STAT5B: variants seen among roughly 807,000 people sequenced by gnomAD.
STAT5B encodes the protein signal transducer and activator of transcription 5B.
STAT5B carries 21 observed loss-of-function variants against 107.8 expected under a neutral mutation model. That is an observed-to-expected ratio of 0.19 (90% CI 0.14 to 0.28). The LOEUF (loss-of-function observed/expected upper bound fraction) is 0.28, where lower values mean the gene tolerates loss of function less well. Ranked by LOEUF, STAT5B falls within the 10% of genes least tolerant of loss-of-function variation. The pLI, the probability that STAT5B is intolerant of heterozygous loss-of-function variation, is 1.00. For synonymous variants in STAT5B, 325 were observed against 401.7 expected (o/e 0.81, Z 2.28); for missense variants, 565 against 1,008.2 (o/e 0.56, Z 5.95).
the STAT5B span, among the ~76,000 whole-genome samples, chr17:42,285,079 G>T: frequency 1.3e-5 from 2 of 149,082 alleles, no homozygotes; most frequent in Admixed American, 1.3e-4. Context: ...AGAATATATT[G>T]CTTTTTTTTT....
rs776893445 is a variant in STAT5B at position 42,201,843 on chromosome 17, G to A, written c.2259C>T (p.Thr753=). ...YPQNPDSVLD[T]DGDFDLEDTM... ...TGTCCTCCAGATCGAAGTCCCCATC[G>A]GTGTCAAGGACTGAGTCAGGGCTTG... Residue 753 remains threonine, a synonymous_variant, in exon 19 of 19, where the codon ACC becomes ACT. Coordinates refer to ENST00000293328, the MANE Select transcript of STAT5B (RefSeq NM_012448.4). 9.3e-6 allele frequency: 15 copies of A among 1,613,790 alleles called. No individual in the cohort carries two copies. The highest frequency in any genetic ancestry group is 8.9e-5 in the East Asian group (4 of 44,872).
chr17:42,265,053 T>C (rs1223315891), intron 1 of STAT5B, among the ~76,000 whole-genome samples: 1 of 132,620 alleles, frequency 7.5e-6, no homozygotes, highest in Non-Finnish European at 1.6e-5. Context: ...TTTGATGGGG[T>C]TGTTTGTTTT....
At chr17:42,262,802 G>GTA (rs200282520) in intron 1 of STAT5B, among the ~76,000 whole-genome samples, 3 of 92,300 alleles carry the variant, frequency 3.3e-5, no homozygotes, top group African/African-American at 5.4e-5. Flanking sequence ...ATATATGTGT[G>GTA]TATATATACA....
Position 42,208,707 on chromosome 17 carries a change from G to C in STAT5B, c.1907-979C>G, listed in dbSNP as rs142052206. The stretch of plus-strand genomic sequence containing the variant: ...GCTAGGAAGCATGCCCACAACCAGA[G>C]AAAGCATAAGAGCTATTAAAAGTGA... On this transcript the variant is annotated intron_variant, in intron 15 of 18. Transcript: ENST00000293328. 5.0e-3 allele frequency among the ~76,000 whole-genome samples: 757 copies of C among 151,842 alleles called. 8 individuals are homozygous for C. The highest frequency in any genetic ancestry group is 6.6e-3 in the Non-Finnish European group (449 of 67,948).
intron 1 of STAT5B, among the ~76,000 whole-genome samples, chr17:42,262,905 T>C (rs1392786651): frequency 8.1e-6 from 1 of 122,878 alleles, no homozygotes; most frequent in South Asian, 2.4e-4. Flanking sequence ...TGTATATATA[T>C]GTGTATATAT....
intron 18 of STAT5B, chr17:42,202,121 T>C (rs577727783): frequency 3.1e-6 from 2 of 651,172 alleles, no homozygotes; most frequent in African/African-American, 1.8e-5. Flanking sequence ...ATCTCCATAT[T>C]GAGAGAGGGG....
intron 12 of STAT5B, chr17:42,214,428 C>T (rs988671263): frequency 2.0e-6 from 2 of 985,354 alleles, no homozygotes; most frequent in Non-Finnish European, 2.4e-6. Flanking sequence ...TCTTAAAAAT[C>T]TCACCTTTGC....
chr17:42,247,318 T>C (rs2080459845), intron 1 of STAT5B, among the ~76,000 whole-genome samples: 1 of 152,254 alleles, frequency 6.6e-6, no homozygotes, highest in Non-Finnish European at 1.5e-5. Context: ...ATATGGCAGT[T>C]TGCCCCGTTT....
chr17:42,219,853 G>T lies in STAT5B; in HGVS notation c.551-11C>A. ...GCGGGCCAAACTGAGCTAGAGGAGG[G>T]GAGAGGAAACCATGACCATCACCTC... is the stretch of plus-strand genomic sequence containing the variant. On this transcript the variant is annotated splice_polypyrimidine_tract_variant and intron_variant, in intron 5 of 18. Transcript: ENST00000293328. 6.2e-7 allele frequency: 1 copy of T among 1,614,188 alleles called. No homozygotes were observed. Among genetic ancestry groups the T allele is most frequent in the South Asian group, 1.1e-5 (1 of 91,084 alleles).
At chr17:42,252,475 C>T (rs1190643464) in intron 1 of STAT5B, among the ~76,000 whole-genome samples, 1 of 152,116 alleles carries the variant, frequency 6.6e-6, no homozygotes, top group Admixed American at 6.6e-5. Flanking sequence ...TTTTGATTTC[C>T]CCAATATAGT....
At position 42,218,793 on chromosome 17, in the gene STAT5B, C is replaced by T. The variant is rs1201337548; in HGVS notation, c.919G>A (p.Gly307Ser). The T allele has an allele frequency of 1.7e-5, 28 of 1,612,822 alleles. No individual in the cohort carries two copies. The highest frequency in any genetic ancestry group is 3.3e-5 in the Admixed American group (2 of 59,936). ...EHLCQQLPIP[G>S]PVEEMLAEVN... ...TCGGCCAGCATCTCCTCCACTGGGC[C>T]GGGGATGGGCAGCTGCTGGCAGAGG... The change falls in exon 8 of 19, where the codon GGC becomes AGC. Residue 307 changes from glycine (G) to serine (S), a missense_variant. This residue lies in a region of STAT5B where 48 missense variants were observed against 106.5 expected (regional missense o/e 0.45). Transcript: ENST00000293328.
At chr17:42,208,533 G>C (rs2080104087) in intron 15 of STAT5B, among the ~76,000 whole-genome samples, 1 of 151,828 alleles carries the variant, frequency 6.6e-6, no homozygotes, top group South Asian at 2.1e-4. Context: ...TAAAAGCCAT[G>C]GGTAGATAAG....
At chr17:42,280,950 C>T (rs967655692), upstream of STAT5B, among the ~76,000 whole-genome samples, 6 of 151,718 alleles carry the variant, frequency 4.0e-5, no homozygotes, top group Non-Finnish European at 5.9e-5. Flanking sequence ...CTGGCTAACA[C>T]GGTGAAACCC....
At chr17:42,286,724 G>A in the STAT5B span, among the ~76,000 whole-genome samples, 1 of 152,184 alleles carries the variant, frequency 6.6e-6, no homozygotes, top group East Asian at 1.9e-4. Flanking sequence ...TGAGGAATCT[G>A]CTCCCATCAA....
rs371610966 is a variant in STAT5B, at chr17:42,201,733, C to T, written c.*5G>A. The T allele has an allele frequency of 5.1e-6, 8 of 1,557,058 alleles. No homozygotes were observed. In the African/African-American group the frequency reaches 5.4e-5, roughly 11 times the overall value. ...GAAGAAGCTGAAGATGGAGAGGTCGCGGGGTCACGATTGTGCGTGCGGGAT... is the reference window on the plus strand; with the variant it reads ...GAAGAAGCTGAAGATGGAGAGGTCGTGGGGTCACGATTGTGCGTGCGGGAT... On this transcript the variant is annotated 3_prime_UTR_variant, in exon 19 of 19. Coordinates refer to ENST00000293328, the MANE Select transcript of STAT5B (RefSeq NM_012448.4).
chr17:42,283,577 C>G, the STAT5B span, among the ~76,000 whole-genome samples: 2 of 152,248 alleles, frequency 1.3e-5, no homozygotes, highest in African/African-American at 4.8e-5. Context: ...AGGACAGTCA[C>G]TATGCCTCAG....
chr17:42,235,394 G>A (rs1264863260), intron 1 of STAT5B: 1 of 151,800 alleles, frequency 6.6e-6, no homozygotes, highest in Non-Finnish European at 1.5e-5. Context: ...CGATTCTATT[G>A]GCTCTTTTCA....
At chr17:42,277,812 A>C (rs2080777154), upstream of STAT5B, among the ~76,000 whole-genome samples, 1 of 149,866 alleles carries the variant, frequency 6.7e-6, no homozygotes, top group African/African-American at 2.5e-5. Flanking sequence ...CTGGAGTGAA[A>C]TGGTGCGGTC....
At chr17:42,248,607 AG>A (rs1268532862) in intron 1 of STAT5B, among the ~76,000 whole-genome samples, 2 of 152,224 alleles carry the variant, frequency 1.3e-5, no homozygotes, top group African/African-American at 4.8e-5. Flanking sequence ...AGCATGGTGT[AG>A]GAACTTGAGT....
Sources: allele counts gnomAD v4.1 joint callset (sites outside exome capture counted in the v4.1 genomes callset), GRCh38; gene constraint gnomAD v4.1.1; regional missense constraint gnomAD v4.1.1; transcripts MANE v1.5; gene names NCBI Gene and HGNC (gene_info 2026-07-23, HGNC 2026-07-21).